MTMR9: variants seen among roughly 807,000 people sequenced by gnomAD.
MTMR9 encodes myotubularin-related protein 9.
Under a neutral mutation model 69.5 loss-of-function variants are expected in MTMR9, and 39 were observed. That is an observed-to-expected ratio of 0.56 (90% CI 0.43 to 0.73). The LOEUF (loss-of-function observed/expected upper bound fraction) is 0.73. MTMR9 is among the 30% of genes least tolerant of loss of function. The pLI is 0.00. For missense variants in MTMR9, 900 were observed against 671.2 expected (o/e 1.34, Z -3.77); for synonymous variants, 354 against 240.8 (o/e 1.47, Z -4.35).
chr8:11,298,050 C>G (rs146975149), intron 2 of MTMR9: 1 of 394,604 alleles, frequency 2.5e-6, no homozygotes, highest in African/African-American at 2.1e-5. Context: ...ACGTAGAATC[C>G]CATTGGAAGA....
chr8:11,330,123 C>T (rs533227978), downstream of MTMR9, among the ~76,000 whole-genome samples: 782 of 151,632 alleles, frequency 5.2e-3, 2 homozygotes, highest in African/African-American at 0.018. Flanking sequence ...AGCCCCCGCC[C>T]GGCCAGCAGC....
downstream of MTMR9, chr8:11,332,286 A>G: frequency 8.4e-7 from 1 of 1,188,236 alleles, no homozygotes; most frequent in Non-Finnish European, 1.1e-6. Flanking sequence ...GTTCAGTTAT[A>G]ATAAAAATAT....
In MTMR9 at chr8:11,322,872, C is replaced by T. The variant is rs998368882; in HGVS notation, c.*84C>T. ...TTGTGCCCTTCAGTTCACTTTTACA[C>T]GGTAGCCTTGAAGTGAAGGCTTTAG... On this transcript the variant is annotated 3_prime_UTR_variant, in exon 10 of 10. Coordinates refer to ENST00000221086, the MANE Select transcript of MTMR9 (RefSeq NM_015458.4). 1.2e-5 allele frequency: 16 copies of T among 1,309,896 alleles called. No homozygotes were observed. The highest frequency in any genetic ancestry group is 4.6e-5 in the Admixed American group (2 of 43,770). 81.1% of individuals were successfully genotyped at this position (1,309,896 alleles called of 1,614,324 possible). A position where few individuals can be genotyped will look rare whatever the true frequency, so the allele number is the denominator to read the frequency against.
intron 5 of MTMR9, 97 bp from the exon 6 acceptor site, chr8:11,309,430 T>G: frequency 9.8e-7 from 1 of 1,024,950 alleles, no homozygotes; most frequent in Non-Finnish European, 1.4e-6. Flanking sequence ...TTGAACTACT[T>G]TTGCTCTTAG....
At chr8:11,333,321 A>C in the MTMR9 span, among the ~76,000 whole-genome samples, 1 of 152,240 alleles carries the variant, frequency 6.6e-6, no homozygotes. Flanking sequence ...ATTAGAATTA[A>C]TGGAGGCCAG....
At chr8:11,288,437 G>A (rs1799270447) in intron 1 of MTMR9, among the ~76,000 whole-genome samples, 1 of 150,128 alleles carries the variant, frequency 6.7e-6, no homozygotes, top group East Asian at 1.9e-4. Flanking sequence ...GCACTGGGAG[G>A]CAGTTTCCTT....
intron 6 of MTMR9, 81 bp downstream of exon 6, chr8:11,309,769 A>G (rs1800119184): frequency 6.7e-7 from 1 of 1,482,330 alleles, no homozygotes; most frequent in South Asian, 1.3e-5. Context: ...ATGTTTATAG[A>G]TTATGTGAAA....
downstream of MTMR9, among the ~76,000 whole-genome samples, chr8:11,333,025 T>A (rs1251698754): frequency 6.6e-6 from 1 of 152,170 alleles, no homozygotes; most frequent in East Asian, 1.9e-4. Flanking sequence ...TCAAGACTTG[T>A]AGGATACCAT....
At chr8:11,300,230 A>G in intron 3 of MTMR9, 82 bp downstream of exon 3, 4 of 1,486,288 alleles carry the variant, frequency 2.7e-6, no homozygotes, top group Non-Finnish European at 3.7e-6. Context: ...ACTTCTTTTG[A>G]AGAGTAATAA....
intron 1 of MTMR9, among the ~76,000 whole-genome samples, chr8:11,293,580 G>C (rs972218619): frequency 6.6e-6 from 1 of 152,052 alleles, no homozygotes; most frequent in Non-Finnish European, 1.5e-5. Flanking sequence ...TTGTCAGTTT[G>C]TTCTTTTATA....
At position 11,315,706 on chromosome 8, in the gene MTMR9, T is replaced by C. The variant is rs369749826; in HGVS notation, c.1113+642T>C. 7.2e-5 allele frequency among the ~76,000 whole-genome samples: 11 copies of C among 152,248 alleles called. No individual in the cohort carries two copies. The East Asian group carries it at 1.3e-3, about 19-fold the overall frequency. On this transcript the variant is annotated intron_variant, in intron 7 of 9. Coordinates refer to ENST00000221086, the MANE Select transcript of MTMR9 (RefSeq NM_015458.4). ...ACAATTCGCATTTATCATGCACTAA[T>C]GCTGTTACGTACACCATGTCCACCC...
rs1263507542 is a variant in MTMR9, at chr8:11,295,261, C to T, written c.250C>T (p.Pro84Ser). The change falls in exon 2 of 10, where the codon CCT becomes TCT. Residue 84 changes from proline (P) to serine (S), a missense_variant. Transcript: ENST00000221086. Reference protein sequence around the residue: ...KDFRIIQLDIPGMEECLNIAS... With the variant: ...KDFRIIQLDISGMEECLNIAS... ...TTTTCGAATTATTCAGTTGGATATT[C>T]CTGGAATGGAGGAATGCTTGAATAT... 6 of 1,610,532 alleles carry T rather than the reference C, an allele frequency of 3.7e-6. No homozygotes were observed. Among genetic ancestry groups the T allele is most frequent in the African/African-American group, 2.7e-5 (2 of 74,828 alleles).
intron 2 of MTMR9, among the ~76,000 whole-genome samples, chr8:11,299,326 A>G (rs927811299): frequency 6.6e-6 from 1 of 152,214 alleles, no homozygotes; most frequent in Non-Finnish European, 1.5e-5. Context: ...ACTCTGTCTC[A>G]GAATAAAAGT....
intron 1 of MTMR9, 195 bp downstream of exon 1, chr8:11,285,265 T>C: frequency 1.8e-6 from 1 of 552,498 alleles, no homozygotes; most frequent in Non-Finnish European, 3.2e-6. Context: ...TAAACCTGGA[T>C]GGAGTTCTCA....
intron 3 of MTMR9, among the ~76,000 whole-genome samples, chr8:11,304,435 T>A (rs1799864748): frequency 6.6e-6 from 1 of 152,170 alleles, no homozygotes; most frequent in Non-Finnish European, 1.5e-5. Flanking sequence ...CCGTGATAAT[T>A]GTGGATGTGC....
downstream of MTMR9, among the ~76,000 whole-genome samples, chr8:11,329,896 C>G (rs1383980966): frequency 1.3e-5 from 2 of 151,588 alleles, no homozygotes; most frequent in South Asian, 2.1e-4. Flanking sequence ...TGCCCATCAT[C>G]TGAGATGTGG....
At chr8:11,298,730 C>A (rs1438828461) in intron 2 of MTMR9, 2 of 926,842 alleles carry the variant, frequency 2.2e-6, no homozygotes, top group Non-Finnish European at 2.6e-6. Context: ...ACCCCCCCCC[C>A]GCCATCCAGT....
At chr8:11,337,793 A>G in the MTMR9 span, among the ~76,000 whole-genome samples, 2 of 152,180 alleles carry the variant, frequency 1.3e-5, no homozygotes, top group Non-Finnish European at 2.9e-5. Flanking sequence ...TGCTCCGGTA[A>G]AGGTAGAGAG....
chr8:11,309,876 A>G (rs1240289754), intron 6 of MTMR9, among the ~76,000 whole-genome samples, 188 bp downstream of exon 6: 1 of 152,226 alleles, frequency 6.6e-6, no homozygotes, highest in Non-Finnish European at 1.5e-5. Flanking sequence ...TGTTTGTTTC[A>G]TAAATATGAA....
Sources: gnomAD v4.1 joint callset for allele counts (sites outside exome capture counted in the v4.1 genomes callset) on GRCh38, gnomAD v4.1.1 for gene constraint, MANE v1.5 for transcripts, NCBI Gene and HGNC (gene_info 2026-07-23, HGNC 2026-07-21) for gene names.